Variants in TNS3 observed in about 807,000 individuals in gnomAD.
TNS3 encodes the protein tensin 3.
TNS3 carries 45 observed loss-of-function variants against 140.9 expected under a neutral mutation model. The observed-to-expected ratio is 0.32, with a 90% CI of 0.25 to 0.41. TNS3 has a LOEUF of 0.41. Ranked by LOEUF, TNS3 falls within the 10% of genes least tolerant of loss-of-function variation. TNS3 has a pLI of 1.00. For missense variants in TNS3, 1,716 were observed against 1,906.7 expected (o/e 0.90, Z 1.86); for synonymous variants, 815 against 788.4 (o/e 1.03, Z -0.56).
chr7:47,442,911 G>A (rs929326181), intron 4 of TNS3, among the ~76,000 whole-genome samples: 1 of 152,194 alleles, frequency 6.6e-6, no homozygotes, highest in Non-Finnish European at 1.5e-5. Flanking sequence ...CACTCAGGCA[G>A]GTGCAGCTCA....
rs377677367 is a variant in TNS3, at chr7:47,303,514, G to T, written c.2893C>A (p.Arg965=). Residue 965 remains arginine (R), a synonymous_variant, in exon 22 of 31, where the codon CGG becomes AGG. Transcript: ENST00000311160. ...KPMVSLLGSG[R]PTGSPLSAEF... ...GCGCTGAGGGGACTTCCGGTGGGCC[G>T]GCCGCTCCCCAGCAGGGAAACCATG... is the stretch of plus-strand genomic sequence containing the variant. 23 of 1,607,662 alleles carry T rather than the reference G, an allele frequency of 1.4e-5. No homozygotes were observed. In the African/African-American group the frequency reaches 2.0e-4, roughly 14 times the overall value.
rs561301171 is a variant in TNS3, at chr7:47,482,409, T to A, written c.-114-1268A>T. Among the ~76,000 whole-genome samples, 155 of 152,192 alleles carry A rather than the reference T, an allele frequency of 1.0e-3. 1 individual carries two copies. The highest frequency in any genetic ancestry group is 3.6e-3 in the African/African-American group (151 of 41,540). On this transcript the variant is annotated intron_variant, in intron 3 of 30. Coordinates refer to ENST00000311160, the MANE Select transcript of TNS3 (RefSeq NM_022748.12). ...CTCAGACGGATGTCTGGGGCAGGGG[T>A]CCTCTCTCAGGGCCCCTTTAAAGTT...
chr7:47,480,954 T>C lies in TNS3; in HGVS notation c.-76+149A>G, dbSNP rs909186320. On this transcript the variant is annotated intron_variant, in intron 4 of 30. Transcript: ENST00000311160. ...TGCAGCATGGTCAAAGGACCTCAGA[T>C]AGAGCCTTGTGAATGCAAGCTACAG... 12 of 453,216 alleles carry C rather than the reference T, an allele frequency of 2.6e-5. No individual in the cohort carries two copies. In the Admixed American group the frequency reaches 3.1e-4, roughly 12 times the overall value. The allele number at this position is 453,216 out of a possible 1,614,324, so 28.1% of individuals were successfully genotyped here. A position where few individuals can be genotyped will look rare whatever the true frequency, so the allele number is the denominator to read the frequency against.
At chr7:47,316,705 G>A (rs551303986) in intron 20 of TNS3, among the ~76,000 whole-genome samples, 10 of 150,698 alleles carry the variant, frequency 6.6e-5, no homozygotes, top group African/African-American at 2.0e-4. Flanking sequence ...TTGAACCCGG[G>A]AGGTGGAGGT....
In TNS3 at chr7:47,312,334, C is replaced by T. The variant is rs996634088; in HGVS notation, c.2651-7331G>A. ...CATGGAGTTTAAAACCATCCCTCTG[C>T]ACCCTCACTTCTATTCCCAGTACTA... On this transcript the variant is annotated intron_variant, in intron 20 of 30. Transcript: ENST00000311160. Among the ~76,000 whole-genome samples, 8 of 152,328 alleles carry T rather than the reference C, an allele frequency of 5.3e-5. No individual in the cohort carries two copies. The East Asian group carries it at 1.5e-3, about 29-fold the overall frequency.
chr7:47,458,333 G>A (rs1485882543), intron 4 of TNS3, among the ~76,000 whole-genome samples: 5 of 152,212 alleles, frequency 3.3e-5, no homozygotes, highest in Admixed American at 2.6e-4. Context: ...TGAGCACAGG[G>A]CATCCATTTC....
chr7:47,316,491 C>G (rs1787417324), intron 20 of TNS3, among the ~76,000 whole-genome samples: 1 of 151,166 alleles, frequency 6.6e-6, no homozygotes, highest in African/African-American at 2.4e-5. Flanking sequence ...TTTAGAAAAG[C>G]AAGACTTTGT....
chr7:47,311,779 A>C (rs539244819), intron 20 of TNS3, among the ~76,000 whole-genome samples: 17 of 152,334 alleles, frequency 1.1e-4, no homozygotes, highest in African/African-American at 4.1e-4. Flanking sequence ...AGAATTTCCT[A>C]AAAGACTCAA....
chr7:47,442,853 A>G (rs1344985292), intron 4 of TNS3, among the ~76,000 whole-genome samples: 1 of 152,226 alleles, frequency 6.6e-6, no homozygotes, highest in Non-Finnish European at 1.5e-5. Context: ...GCAGGCCCAC[A>G]GACACCACCA....
rs561622879 is a variant in TNS3, at chr7:47,325,587, T to C, written c.2650+19168A>G. Among the ~76,000 whole-genome samples the C allele has an allele frequency of 7.2e-5, 11 of 152,300 alleles. No homozygotes were observed. The South Asian group carries it at 2.3e-3, about 32-fold the overall frequency. On this transcript the variant is annotated intron_variant, in intron 20 of 30. Transcript: ENST00000311160. ...TGGGACGGAGCAAGAAGGCAGAGTG[T>C]GCTGTGTGACGGGGACCTTCTGGTC...
intron 20 of TNS3, among the ~76,000 whole-genome samples, chr7:47,333,752 T>G (rs190879079): frequency 4.2e-4 from 64 of 152,336 alleles, no homozygotes; most frequent in Admixed American, 1.2e-3. Context: ...GTCTTCCTCT[T>G]GTCCTCTTCT....
At chr7:47,294,253 C>T (rs180829777) in intron 24 of TNS3, among the ~76,000 whole-genome samples, 13 of 152,322 alleles carry the variant, frequency 8.5e-5, no homozygotes, top group Admixed American at 3.3e-4. Context: ...CTGAAAAGAG[C>T]TGGAAGGAGG....
chr7:47,372,595 AAAT>A (rs1791138675), intron 16 of TNS3, among the ~76,000 whole-genome samples: 1 of 152,154 alleles, frequency 6.6e-6, no homozygotes, highest in Non-Finnish European at 1.5e-5. Flanking sequence ...AGAAATCTTA[AAAT>A]AATAATAGAT....
rs563328790 is a variant in TNS3, at chr7:47,377,134, C to T, written c.1025-7513G>A. ...CACCCTCAAATGACTCACTTGGGGC[C>T]GTCCAGCTGAATCAATTCACCATAT... is the stretch of plus-strand genomic sequence containing the variant. On this transcript the variant is annotated intron_variant, in intron 16 of 30. Transcript: ENST00000311160. Among the ~76,000 whole-genome samples the T allele has an allele frequency of 3.9e-5, 6 of 152,296 alleles. No homozygotes were observed. The East Asian group carries it at 5.8e-4, about 15-fold the overall frequency.
intron 1 of TNS3, among the ~76,000 whole-genome samples, chr7:47,548,959 C>T (rs1224418878): frequency 6.6e-6 from 1 of 152,192 alleles, no homozygotes; most frequent in African/African-American, 2.4e-5. Flanking sequence ...GGGGCTCCTT[C>T]TCTTTCTCTT....
intron 3 of TNS3, among the ~76,000 whole-genome samples, chr7:47,501,217 GGAGAAAGGAAGA>G (rs1798212060): frequency 1.4e-5 from 2 of 141,374 alleles, no homozygotes; most frequent in Admixed American, 7.1e-5. Context: ...AGGGAGGGAG[GGAGAAAGGAAGA>G]GAGAAAGAAA....
intron 4 of TNS3, among the ~76,000 whole-genome samples, chr7:47,476,673 C>G (rs558131252): frequency 2.0e-5 from 3 of 152,198 alleles, no homozygotes; most frequent in African/African-American, 7.2e-5. Flanking sequence ...TTAGTCTACA[C>G]CCTCCATAAT....
intron 20 of TNS3, among the ~76,000 whole-genome samples, chr7:47,325,220 G>A (rs1355628866): frequency 2.6e-5 from 4 of 152,132 alleles, no homozygotes; most frequent in Non-Finnish European, 1.5e-5. Flanking sequence ...TAGCATTCTA[G>A]AAGCTTTTCT....
intron 20 of TNS3, among the ~76,000 whole-genome samples, chr7:47,326,056 G>A (rs1215623056): frequency 1.3e-5 from 2 of 152,206 alleles, no homozygotes; most frequent in Admixed American, 1.3e-4. Context: ...GTGCCAATCT[G>A]AATGTCAACA....
Sources: allele counts gnomAD v4.1 joint callset (sites outside exome capture counted in the v4.1 genomes callset), GRCh38; gene constraint gnomAD v4.1.1; transcripts MANE v1.5; gene names NCBI Gene and HGNC (gene_info 2026-07-23, HGNC 2026-07-21).